PTPN18: variants seen among roughly 807,000 people sequenced by gnomAD.
The protein encoded by PTPN18 is protein tyrosine phosphatase non-receptor type 18, also known as tyrosine-protein phosphatase non-receptor type 18.
Under a neutral mutation model 65.4 loss-of-function variants are expected in PTPN18, and 65 were observed. That is an observed-to-expected ratio of 0.99 (90% CI 0.81 to 1.22). The LOEUF (loss-of-function observed/expected upper bound fraction) is 1.22. PTPN18 is among the 50% of genes most tolerant of loss of function. The pLI is 0.00. For missense variants in PTPN18, 616 were observed against 646.5 expected, an observed-to-expected ratio of 0.95 and a Z score of 0.51; for synonymous variants, 255 against 267.8, an observed-to-expected ratio of 0.95 and a Z score of 0.47.
At chr2:130,372,766 C>T (rs1680617212) in intron 13 of PTPN18, 107 bp from the exon 14 acceptor site, 2 of 1,381,644 alleles carry the variant, frequency 1.4e-6, no homozygotes, top group East Asian at 4.6e-5. Context: ...GCCCGGCGCC[C>T]TCGGCTCTCC....
intron 12 of PTPN18, 86 bp from the exon 13 acceptor site, chr2:130,372,171 C>T (rs1309687627): frequency 4.5e-6 from 6 of 1,322,862 alleles, no homozygotes; most frequent in Non-Finnish European, 6.2e-6. Flanking sequence ...GGAAGGAAGC[C>T]CGTGGTTTGC....
intron 6 of PTPN18, 94 bp from the exon 7 acceptor site, chr2:130,369,671 T>G: frequency 7.8e-7 from 1 of 1,289,982 alleles, no homozygotes; most frequent in Non-Finnish European, 1.1e-6. Flanking sequence ...TTTGATTTTT[T>G]AATCAGGAAT....
chr2:130,367,623 G>A (rs891514650), intron 5 of PTPN18, among the ~76,000 whole-genome samples: 1 of 152,126 alleles, frequency 6.6e-6, no homozygotes, highest in African/African-American at 2.4e-5. Context: ...GCAGTGAGCC[G>A]AGATTGAGCC....
Position 130,372,298 on chromosome 2 carries a change from A to G in PTPN18, c.1055A>G (p.Asp352Gly). ...VPGSPGHAMA[D>G]TYAVVQKRGA... ...GGGTCCCCGGGCCACGCCATGGCTG[A>G]CACCTACGCGGTGGTGCAGAAGCGC... Residue 352 changes from aspartate to glycine, a missense_variant, in exon 13 of 15, where the codon GAC (aspartate) becomes GGC (glycine). Around this residue, in one of 3 missense-constraint regions of PTPN18, gnomAD observed 368 missense variants for 386.7 expected, o/e 0.95. Coordinates refer to ENST00000175756, the MANE Select transcript of PTPN18 (RefSeq NM_014369.4). The G allele has an allele frequency of 6.4e-7, 1 of 1,551,414 alleles. No homozygotes were observed.
At chr2:130,356,389 G>GC (rs1246276000) in intron 1 of PTPN18, among the ~76,000 whole-genome samples, 189 bp downstream of exon 1, 3 of 151,990 alleles carry the variant, frequency 2.0e-5, no homozygotes, top group African/African-American at 4.8e-5. Flanking sequence ...TTCACTCTCT[G>GC]CCCCCCGGCC....
chr2:130,367,197 A>C (rs371709511), intron 5 of PTPN18, among the ~76,000 whole-genome samples: 16 of 151,770 alleles, frequency 1.1e-4, no homozygotes, highest in African/African-American at 3.9e-4. Context: ...GCTTACTCTA[A>C]TATTTCTCAT....
Position 130,373,789 on chromosome 2 carries a change from C to CAG in PTPN18, c.*577_*578dup, listed in dbSNP as rs1191480978. The stretch of plus-strand genomic sequence containing the variant: ...ACAGGTGGACAAAGGGATCCCCAGC[C>CAG]AGAGAGAGAGAGACCAGCCAACAGC... On this transcript the variant is annotated 3_prime_UTR_variant, in exon 15 of 15. Coordinates refer to ENST00000175756, the MANE Select transcript of PTPN18 (RefSeq NM_014369.4). This position sits in a 1 kb window ranked among gnomAD's most constrained non-coding sequence, Gnocchi z 4.1. 4 of 152,934 alleles carry CAG rather than the reference C, an allele frequency of 2.6e-5. No individual in the cohort carries two copies. The highest frequency in any genetic ancestry group is 5.8e-5 in the Non-Finnish European group (4 of 68,786). 9.5% of individuals were successfully genotyped at this position (152,934 alleles called of 1,614,324 possible).
Position 130,371,260 on chromosome 2 carries a change from T to C in PTPN18, c.986T>C (p.Ile329Thr), listed in dbSNP as rs1448857382. ...FLRTPQALLAIPRPPGGVLRS... is the reference protein window; with the variant it reads ...FLRTPQALLATPRPPGGVLRS... ...CGGACTCCCCAGGCACTTCTCGCCATACCCCGCCCACCAGGAGGGGTCCTC... is the reference window on the plus strand; with the variant it reads ...CGGACTCCCCAGGCACTTCTCGCCACACCCCGCCCACCAGGAGGGGTCCTC... Residue 329 changes from isoleucine (I) to threonine (T), a missense_variant, in exon 12 of 15, where the codon ATA (isoleucine) becomes ACA (threonine). Transcript: ENST00000175756. The C allele has an allele frequency of 2.5e-6, 4 of 1,607,934 alleles. No homozygotes were observed. The highest frequency in any genetic ancestry group is 3.4e-6 in the Non-Finnish European group (4 of 1,177,206).
In PTPN18 at chr2:130,358,149, G is replaced by T. The variant is rs368547989; in HGVS notation, c.94-718G>T. 1.1e-4 allele frequency among the ~76,000 whole-genome samples: 16 copies of T among 152,276 alleles called. 2 individuals carry two copies. The highest frequency in any genetic ancestry group is 3.8e-4 in the African/African-American group (16 of 41,562). On this transcript the variant is annotated intron_variant, in intron 1 of 14. Coordinates refer to ENST00000175756, the MANE Select transcript of PTPN18 (RefSeq NM_014369.4). The stretch of plus-strand genomic sequence containing the variant: ...CTCCCGCATGTGCAGGAATCACTGC[G>T]CTCTTCTAGGTGTTCCCACTACACA...
At chr2:130,359,795 T>A (rs1448093161) in intron 5 of PTPN18, 149 bp downstream of exon 5, 7 of 972,644 alleles carry the variant, frequency 7.2e-6, no homozygotes, top group Non-Finnish European at 1.1e-5. Flanking sequence ...TTCCTCTAAG[T>A]TTTTGTTGAT....
At position 130,374,779 on chromosome 2, in the gene PTPN18, T is replaced by C. The variant is rs1162710224; in HGVS notation, c.*1555T>C. On this transcript the variant is annotated 3_prime_UTR_variant, in exon 15 of 15. Coordinates refer to ENST00000175756, the MANE Select transcript of PTPN18 (RefSeq NM_014369.4). ...GCCCTTCTCTGGGATAGGGCTGGCC[T>C]TCCTCTGCCTCTGCCTGGCTGCATC... 2.2e-6 allele frequency: 1 copy of C among 450,528 alleles called. No individual in the cohort carries two copies. Among genetic ancestry groups the C allele is most frequent in the East Asian group, 7.1e-5 (1 of 14,104 alleles). The allele number at this position is 450,528 out of a possible 1,614,324, so 27.9% of individuals were successfully genotyped here.
intron 1 of PTPN18, among the ~76,000 whole-genome samples, chr2:130,356,408 C>G (rs2104920084): frequency 6.6e-6 from 1 of 152,128 alleles, no homozygotes; most frequent in African/African-American, 2.4e-5. Flanking sequence ...CCCCGGAGCG[C>G]GACGTCCACG....
chr2:130,361,512 CTCTT>C (rs70994707), intron 5 of PTPN18, among the ~76,000 whole-genome samples: 31,435 of 122,528 alleles, frequency 0.26, 4,075 homozygotes, highest in Admixed American at 0.3. Flanking sequence ...TCTTTTCTTT[CTCTT>C]TCTTTCTTTC....
chr2:130,372,913 G>A lies in PTPN18; in HGVS notation c.1281G>A (p.Glu427=). 1.2e-6 allele frequency: 2 copies of A among 1,614,178 alleles called. No individual in the cohort carries two copies. Among genetic ancestry groups the A allele is most frequent in the Non-Finnish European group, 1.7e-6 (2 of 1,180,038 alleles). The change falls in exon 14 of 15, where the codon GAG becomes GAA. Residue 427 remains glutamate (E), a synonymous_variant. Transcript: ENST00000175756. The stretch of plus-strand genomic sequence containing the variant: ...GTCCTGCCGGATCTGGCGCCTACGA[G>A]GACGTGGCGGGTGGAGCTCAGACCG... ...DQSPAGSGAY[E]DVAGGAQTGG...
rs3739122 is a variant in PTPN18 at position 130,373,952 on chromosome 2, C to T, written c.*728C>T. The T allele has an allele frequency of 0.17, 26,620 of 152,874 alleles. 2,427 individuals are homozygous for T. Among genetic ancestry groups the T allele is most frequent in the Non-Finnish European group, 0.2 (13,607 of 68,606 alleles). 9.5% of individuals were successfully genotyped at this position (152,874 alleles called of 1,614,324 possible). On this transcript the variant is annotated 3_prime_UTR_variant, in exon 15 of 15. Transcript: ENST00000175756. This position sits in a 1 kb window ranked among gnomAD's most constrained non-coding sequence, Gnocchi z 4.1. ...AAACAGATCCCCTGCTGAACAGATA[C>T]ACAGAGTTCTCAGACCCCACCCCCA...
chr2:130,370,380 C>A, intron 8 of PTPN18, 177 bp from the exon 9 acceptor site: 1 of 1,106,852 alleles, frequency 9.0e-7, no homozygotes, highest in Non-Finnish European at 1.3e-6. Context: ...ACAGCTCTTG[C>A]TCAACAAAAT....
In PTPN18 at chr2:130,372,944, CTA is replaced by C; in HGVS notation, c.1313_1314del (p.Leu438ArgfsTer18). The C allele has an allele frequency of 6.2e-7, 1 of 1,613,988 alleles. No homozygotes were observed. The highest frequency in any genetic ancestry group is 8.5e-7 in the Non-Finnish European group (1 of 1,180,010). ...DVAGGAQTGGLGFNLRIGRPK... is the reference protein window; with the variant it reads ...DVAGGAQTGGXGFNLRIGRPK... ...GGCGGGTGGAGCTCAGACCGGTGGG[CTA>C]GGTAAGTCAGGTAGAGCCTGGGTTG... On this transcript the variant is annotated frameshift_variant and splice_region_variant, in exon 14 of 15. Coordinates refer to ENST00000175756, the MANE Select transcript of PTPN18 (RefSeq NM_014369.4). LOFTEE classifies it high-confidence loss of function.
chr2:130,374,737 A>G lies in PTPN18; in HGVS notation c.*1513A>G. The G allele has an allele frequency of 2.1e-6, 1 of 469,210 alleles. No homozygotes were observed. Among genetic ancestry groups the G allele is most frequent in the African/African-American group, 2.0e-5 (1 of 50,082 alleles). 29.1% of individuals were successfully genotyped at this position (469,210 alleles called of 1,614,324 possible). On this transcript the variant is annotated 3_prime_UTR_variant, in exon 15 of 15. Coordinates refer to ENST00000175756, the MANE Select transcript of PTPN18 (RefSeq NM_014369.4). The stretch of plus-strand genomic sequence containing the variant: ...GCACTGCCACAGTGCCCTGGGCCCC[A>G]TGTCCACCCCTGTCCTGCCCTTCTC...
At chr2:130,356,751 C>A (rs1485355145) in intron 1 of PTPN18, 1 of 408,414 alleles carries the variant, frequency 2.4e-6, no homozygotes, top group African/African-American at 2.1e-5. Flanking sequence ...AGGCGGTCTA[C>A]CTGGCCCCTC....
Sources: gnomAD v4.1 joint callset for allele counts (sites outside exome capture counted in the v4.1 genomes callset) on GRCh38, gnomAD v4.1.1 for gene constraint, gnomAD v4.1.1 regional missense constraint, Gnocchi (gnomAD v3.1) non-coding constraint, MANE v1.5 for transcripts, NCBI Gene and HGNC (gene_info 2026-07-23, HGNC 2026-07-21) for gene names.